The following PCDHGA4 variants were observed in gnomAD, a reference collection of about 807,000 sequenced individuals.
The protein encoded by PCDHGA4 is protocadherin gamma-A4.
PCDHGA4 carries 38 observed loss-of-function variants against 54.6 expected under a neutral mutation model. The observed-to-expected ratio is 0.70, with a 90% CI of 0.54 to 0.91. The LOEUF is 0.91. Among genes scored for constraint, PCDHGA4 ranks in the 40% least tolerant of loss-of-function variants. The pLI is 0.00. For missense variants in PCDHGA4, 1,298 were observed against 1,220.9 expected (o/e 1.06, Z -0.94); for synonymous variants, 511 against 512.9 (o/e 1.00, Z 0.05).
At chr5:141,365,169 CT>C in intron 1 of PCDHGA4, 1 of 1,613,926 alleles carries the variant, frequency 6.2e-7, no homozygotes, top group East Asian at 2.2e-5. Context: ...TTGACCTACT[CT>C]TTTCGCAATG....
At chr5:141,365,046 C>T (rs753242901) in intron 1 of PCDHGA4, 1 of 1,613,884 alleles carries the variant, frequency 6.2e-7, no homozygotes, top group South Asian at 1.1e-5. Context: ...AACGACAATG[C>T]GCCCCTGTTC....
chr5:141,486,644 T>G lies in PCDHGA4; in HGVS notation c.2515-8163T>G, dbSNP rs765487821. ...AGACTCTGGCTTGAATGCGCTTATC[T>G]CCTACTCACTCCTGGAGCCCAGGAA... On this transcript the variant is annotated intron_variant, in intron 1 of 3. Transcript: ENST00000571252. This position sits in a 1 kb window ranked among gnomAD's most constrained non-coding sequence, Gnocchi z 5.0. 9.3e-6 allele frequency: 15 copies of G among 1,613,722 alleles called. 2 individuals carry two copies. The Middle Eastern group carries it at 6.6e-4, about 71-fold the overall frequency.
chr5:141,421,530 C>A, intron 1 of PCDHGA4: 1 of 1,614,040 alleles, frequency 6.2e-7, no homozygotes, highest in Non-Finnish European at 8.5e-7. Context: ...AGACGGTGTC[C>A]TCCTGTTTTT....
At chr5:141,423,342 C>A in intron 1 of PCDHGA4, 1 of 1,613,824 alleles carries the variant, frequency 6.2e-7, no homozygotes, top group South Asian at 1.1e-5. Flanking sequence ...CCTGCATCTT[C>A]CTGGTCTTTG....
At chr5:141,360,312 G>A in intron 1 of PCDHGA4, 1 of 1,613,976 alleles carries the variant, frequency 6.2e-7, no homozygotes, top group East Asian at 2.2e-5. Flanking sequence ...TCAGCGTCCG[G>A]GACTTGCCAG....
intron 1 of PCDHGA4, chr5:141,400,037 G>T (rs778871485): frequency 3.1e-6 from 5 of 1,613,132 alleles, no homozygotes; most frequent in Admixed American, 1.7e-5. Flanking sequence ...GCCCGCCAGC[G>T]CCTGCTGGTT....
In PCDHGA4 at chr5:141,489,255, A is replaced by G. The variant is rs909780010; in HGVS notation, c.2515-5552A>G. 2 of 1,548,804 alleles carry G rather than the reference A, an allele frequency of 1.3e-6. No individual in the cohort carries two copies. Among genetic ancestry groups the G allele is most frequent in the Non-Finnish European group, 1.7e-6 (2 of 1,147,848 alleles). On this transcript the variant is annotated intron_variant, in intron 1 of 3. Coordinates refer to ENST00000571252, the MANE Select transcript of PCDHGA4 (RefSeq NM_018917.4). The surrounding 1 kb of genome is among the most constrained non-coding windows in gnomAD (Gnocchi z 4.5). ...ACTTCTGGGTCATGGGGCCCAAGAC[A>G]CTCCCACAGCTCGCTGGGAAATGGC...
intron 1 of PCDHGA4, chr5:141,418,622 G>C: frequency 6.2e-7 from 1 of 1,614,026 alleles, no homozygotes; most frequent in Non-Finnish European, 8.5e-7. Context: ...TCGGGAAGAC[G>C]TGCCTCCAGG....
rs767842302 is a variant in PCDHGA4 at position 141,381,979 on chromosome 5, G to A, written c.2514+24358G>A. Among the ~76,000 whole-genome samples the A allele has an allele frequency of 2.6e-5, 4 of 151,486 alleles. 1 individual carries two copies. Among genetic ancestry groups the A allele is most frequent in the East Asian group, 3.9e-4 (2 of 5,156 alleles). On this transcript the variant is annotated intron_variant, in intron 1 of 3. Transcript: ENST00000571252. ...TGAGTAGCTGGGATTACAGGCGCGCGCCACCACGCCCGGATAATTTTGTAT... is the reference window on the plus strand; with the variant it reads ...TGAGTAGCTGGGATTACAGGCGCGCACCACCACGCCCGGATAATTTTGTAT...
intron 1 of PCDHGA4, among the ~76,000 whole-genome samples, chr5:141,436,320 G>A (rs1158221950): frequency 6.6e-6 from 1 of 152,120 alleles, no homozygotes; most frequent in African/African-American, 2.4e-5. Flanking sequence ...AGTCAAGACT[G>A]TTAGACCATA....
chr5:141,432,367 C>A lies in PCDHGA4; in HGVS notation c.2515-62440C>A, dbSNP rs2097491556. 6.2e-7 allele frequency: 1 copy of A among 1,614,246 alleles called. No individual in the cohort carries two copies. The highest frequency in any genetic ancestry group is 8.5e-7 in the Non-Finnish European group (1 of 1,180,040). The stretch of plus-strand genomic sequence containing the variant: ...TGCAAGTGAAAGTGATGGCGCGGGA[C>A]AACGGGCACCCGCCCCTCAGCAGCA... On this transcript the variant is annotated intron_variant, in intron 1 of 3. Transcript: ENST00000571252. This position sits in a 1 kb window ranked among gnomAD's most constrained non-coding sequence, Gnocchi z 6.0.
At chr5:141,403,270 T>C (rs1284833810) in intron 1 of PCDHGA4, 2 of 1,613,770 alleles carry the variant, frequency 1.2e-6, no homozygotes, top group African/African-American at 1.3e-5. Flanking sequence ...TGGTGAACTT[T>C]AAAGTCCTGG....
rs2091965953 is a variant in PCDHGA4 at position 141,389,909 on chromosome 5, C to T, written c.2514+32288C>T. ...AGGAGGTGCTGCCGGATATCACTGA[C>T]CGCCCCGACCCCTCTGACCTCCAGG... On this transcript the variant is annotated intron_variant, in intron 1 of 3. Transcript: ENST00000571252. 1.9e-6 allele frequency: 3 copies of T among 1,614,068 alleles called. No homozygotes were observed. In the South Asian group the frequency reaches 3.3e-5, roughly 18 times the overall value.
intron 1 of PCDHGA4, chr5:141,374,021 CA>C (rs1013436249): frequency 5.0e-6 from 7 of 1,406,050 alleles, no homozygotes; most frequent in Non-Finnish European, 6.5e-6. Context: ...CTGAGAAGAG[CA>C]AAAGTGATGC....
chr5:141,462,036 G>A (rs760555655), intron 1 of PCDHGA4, among the ~76,000 whole-genome samples: 5 of 151,978 alleles, frequency 3.3e-5, no homozygotes, highest in African/African-American at 7.3e-5. Flanking sequence ...TTGGTCAGGC[G>A]GGTCTTGAAC....
intron 1 of PCDHGA4, chr5:141,378,136 CATT>C (rs1561579952): frequency 6.6e-6 from 1 of 152,158 alleles, no homozygotes; most frequent in Non-Finnish European, 1.5e-5. Context: ...TTGACATCAC[CATT>C]ATTATAATTA....
intron 1 of PCDHGA4, among the ~76,000 whole-genome samples, chr5:141,359,151 T>C (rs1761131965): frequency 6.6e-6 from 1 of 152,200 alleles, no homozygotes; most frequent in South Asian, 2.1e-4. Flanking sequence ...GAATATGATA[T>C]GATGCAGTTA....
rs968865313 is a variant in PCDHGA4, at chr5:141,511,294, C to T, written c.*121C>T. 1 of 1,506,752 alleles carries T rather than the reference C, an allele frequency of 6.6e-7. No individual in the cohort carries two copies. Among genetic ancestry groups the T allele is most frequent in the Non-Finnish European group, 8.9e-7 (1 of 1,123,692 alleles). 93.3% of individuals were successfully genotyped at this position (1,506,752 alleles called of 1,614,324 possible). On this transcript the variant is annotated 3_prime_UTR_variant, in exon 4 of 4. Coordinates refer to ENST00000571252, the MANE Select transcript of PCDHGA4 (RefSeq NM_018917.4). ...CCCAGAATACTGGTAGGGGCCAAGG[C>T]CATGCTCCCCTTGGGAAACAGAAAC...
chr5:141,401,295 TCA>T (rs2094138879), intron 1 of PCDHGA4, among the ~76,000 whole-genome samples: 2 of 151,856 alleles, frequency 1.3e-5, no homozygotes, highest in Non-Finnish European at 2.9e-5. Flanking sequence ...TGAGCCGAGA[TCA>T]CTCCATTGCA....
Sources: gnomAD v4.1 joint callset for allele counts (sites outside exome capture counted in the v4.1 genomes callset) on GRCh38, gnomAD v4.1.1 for gene constraint, Gnocchi (gnomAD v3.1) non-coding constraint, MANE v1.5 for transcripts, NCBI Gene and HGNC (gene_info 2026-07-23, HGNC 2026-07-21) for gene names.